WWOX: variants seen among roughly 807,000 people sequenced by gnomAD.
The protein encoded by WWOX is WW domain containing oxidoreductase.
Under a neutral mutation model 46.2 loss-of-function variants are expected in WWOX, and 69 were observed. The observed-to-expected ratio is 1.49, with a 90% confidence interval of 1.23 to 1.82. The LOEUF (loss-of-function observed/expected upper bound fraction) is 1.82, where lower values mean the gene tolerates loss of function less well. WWOX is among the 40% of genes most tolerant of loss of function. The pLI, the probability that WWOX is intolerant of heterozygous loss-of-function variation, is 0.00. For synonymous variants in WWOX, 359 were observed against 202.6 expected, an observed-to-expected ratio of 1.77 and a Z score of -6.56; for missense variants, 919 against 542.6, an observed-to-expected ratio of 1.69 and a Z score of -6.89.
At chr16:78,940,015 C>T (rs866105893) in intron 8 of WWOX, among the ~76,000 whole-genome samples, 1 of 152,146 alleles carries the variant, frequency 6.6e-6, no homozygotes, top group African/African-American at 2.4e-5. Flanking sequence ...TATATGCATA[C>T]AAAAACTGCA....
intron 8 of WWOX, chr16:79,090,024 C>G (rs2048926175): frequency 6.6e-6 from 1 of 151,526 alleles, no homozygotes; most frequent in African/African-American, 2.4e-5. Flanking sequence ...CTGGCTTTGA[C>G]AGGAAGTGGG....
chr16:78,660,346 G>T (rs1437218731), intron 8 of WWOX, among the ~76,000 whole-genome samples: 1 of 152,142 alleles, frequency 6.6e-6, no homozygotes, highest in Admixed American at 6.5e-5. Flanking sequence ...TTTATTTGAG[G>T]AGGTATGTTG....
intron 5 of WWOX, among the ~76,000 whole-genome samples, chr16:78,190,861 C>G (rs924359999): frequency 2.0e-5 from 3 of 152,172 alleles, no homozygotes; most frequent in Admixed American, 6.5e-5. Context: ...CATGGGTTCG[C>G]TATACTTTAG....
At chr16:79,015,714 G>A (rs908396443) in intron 8 of WWOX, among the ~76,000 whole-genome samples, 1 of 152,014 alleles carries the variant, frequency 6.6e-6, no homozygotes, top group East Asian at 1.9e-4. Context: ...TCCAAAATGG[G>A]CTGTTTCGTC....
chr16:78,440,717 C>G (rs576813843), intron 8 of WWOX, among the ~76,000 whole-genome samples: 1 of 151,670 alleles, frequency 6.6e-6, no homozygotes, highest in African/African-American at 2.4e-5. Flanking sequence ...CTCCCCAGTT[C>G]AAGCAATTCT....
chr16:79,051,688 C>G (rs113922610), intron 8 of WWOX, among the ~76,000 whole-genome samples: 7 of 152,336 alleles, frequency 4.6e-5, no homozygotes, highest in African/African-American at 1.7e-4. Flanking sequence ...TTTCACTTCT[C>G]TACAAGGGTG....
At chr16:78,962,210 G>T (rs960011896) in intron 8 of WWOX, among the ~76,000 whole-genome samples, 4 of 149,966 alleles carry the variant, frequency 2.7e-5, no homozygotes, top group South Asian at 2.1e-4. Context: ...ATGACTTTCT[G>T]TGTGATGTTA....
intron 8 of WWOX, among the ~76,000 whole-genome samples, chr16:79,036,266 C>T (rs79293132): frequency 0.013 from 2,018 of 152,274 alleles, 20 homozygotes; most frequent in South Asian, 0.031. Context: ...TACTTTTTGC[C>T]CTGACTCCCA....
intron 8 of WWOX, among the ~76,000 whole-genome samples, chr16:79,150,286 A>T (rs534357459): frequency 6.6e-5 from 10 of 152,338 alleles, no homozygotes; most frequent in African/African-American, 1.9e-4. Context: ...CCAGTTGAGG[A>T]TAATTCACAC....
At chr16:78,172,500 T>A (rs1382772983) in intron 5 of WWOX, among the ~76,000 whole-genome samples, 1 of 152,222 alleles carries the variant, frequency 6.6e-6, no homozygotes, top group Non-Finnish European at 1.5e-5. Flanking sequence ...TCCTCTAAGT[T>A]TTCCGTTTCA....
intron 8 of WWOX, among the ~76,000 whole-genome samples, chr16:79,137,194 G>T (rs951211278): frequency 3.9e-5 from 6 of 152,128 alleles, no homozygotes; most frequent in Non-Finnish European, 7.4e-5. Context: ...GTAATGTGGC[G>T]GTTTTATTAT....
At chr16:78,971,473 A>AG (rs1252595168) in intron 8 of WWOX, among the ~76,000 whole-genome samples, 29 of 136,744 alleles carry the variant, frequency 2.1e-4, no homozygotes, top group Middle Eastern at 3.7e-3. Flanking sequence ...AAAAAAAAAA[A>AG]AGAGAGAGAT....
intron 8 of WWOX, among the ~76,000 whole-genome samples, chr16:78,444,450 A>G (rs983775774): frequency 1.3e-5 from 2 of 152,152 alleles, no homozygotes; most frequent in Non-Finnish European, 1.5e-5. Flanking sequence ...TGAAAACTGA[A>G]CCTACCATCA....
intron 5 of WWOX, among the ~76,000 whole-genome samples, chr16:78,198,739 G>A (rs188871392): frequency 4.7e-4 from 72 of 152,046 alleles, no homozygotes; most frequent in African/African-American, 1.7e-3. Context: ...CATTATGTTT[G>A]TAACTTCAGA....
chr16:78,918,204 C>A (rs921427587), intron 8 of WWOX, among the ~76,000 whole-genome samples: 2 of 152,024 alleles, frequency 1.3e-5, no homozygotes, highest in African/African-American at 2.4e-5. Flanking sequence ...CAAAGTGAGA[C>A]CTTGTCTCAA....
chr16:79,110,372 A>T (rs1204589894), intron 8 of WWOX, among the ~76,000 whole-genome samples: 2 of 152,072 alleles, frequency 1.3e-5, no homozygotes, highest in Non-Finnish European at 1.5e-5. Flanking sequence ...AGAGGCCATC[A>T]AATGTAGCTT....
At chr16:78,915,091 G>C (rs1167189626) in intron 8 of WWOX, among the ~76,000 whole-genome samples, 1 of 152,072 alleles carries the variant, frequency 6.6e-6, no homozygotes, top group African/African-American at 2.4e-5. Flanking sequence ...AAGACCTCTT[G>C]GCTGGTTAAA....
intron 8 of WWOX, among the ~76,000 whole-genome samples, chr16:79,095,035 G>T (rs1209219200): frequency 6.6e-6 from 1 of 152,140 alleles, no homozygotes; most frequent in South Asian, 2.1e-4. Flanking sequence ...GGTGATTTCT[G>T]GTCCACAAAT....
In WWOX at chr16:78,346,804, A is replaced by T. The variant is rs1051071929; in HGVS notation, c.517-40056A>T. Among the ~76,000 whole-genome samples, 3 of 120,502 alleles carry T rather than the reference A, an allele frequency of 2.5e-5. 1 individual carries two copies. Among genetic ancestry groups the T allele is most frequent in the Admixed American group, 8.1e-5 (1 of 12,390 alleles). The allele number at this position is 120,502 out of a possible 152,430, so 79.1% of individuals were successfully genotyped here. A position where few individuals can be genotyped will look rare whatever the true frequency, so the allele number is the denominator to read the frequency against. ...ACTGCAACCTCTGCCTACTGGGTTC[A>T]AGCGATTTTCCTGCCTCAGTCTCTT... On this transcript the variant is annotated intron_variant, in intron 5 of 8. Coordinates refer to ENST00000566780, the MANE Select transcript of WWOX (RefSeq NM_016373.4).
Sources: allele counts gnomAD v4.1 joint callset (sites outside exome capture counted in the v4.1 genomes callset), GRCh38; gene constraint gnomAD v4.1.1; transcripts MANE v1.5; gene names NCBI Gene and HGNC (gene_info 2026-07-23, HGNC 2026-07-21).